Variants in MYRF observed in about 807,000 individuals in gnomAD.
The protein encoded by MYRF is myelin gene regulatory factor.
MYRF carries 16 observed loss-of-function variants against 126.3 expected under a neutral mutation model. That is an observed-to-expected ratio of 0.13 (90% CI 0.09 to 0.19). The LOEUF (loss-of-function observed/expected upper bound fraction) is 0.19, where lower values mean the gene tolerates loss of function less well. Among genes scored for constraint, MYRF ranks in the 10% least tolerant of loss-of-function variants. MYRF has a pLI of 1.00. For missense variants in MYRF, 1,104 were observed against 1,547.0 expected (o/e 0.71, Z 4.80); for synonymous variants, 608 against 635.3 (o/e 0.96, Z 0.65).
At chr11:61,773,896 C>T in intron 7 of MYRF, 71 bp from the exon 8 acceptor site, 2 of 1,361,952 alleles carry the variant, frequency 1.5e-6, no homozygotes, top group Non-Finnish European at 2.0e-6. Context: ...TGGAACCCAG[C>T]AGGTAGGAGG....
rs2065856046 is a variant in MYRF at position 61,759,762 on chromosome 11, G to C, written c.47-5863G>C. The stretch of plus-strand genomic sequence containing the variant: ...TGGTAAGAAGCTGGGAGAGAACAAA[G>C]ACTACTGTGACTCAGATCGAAGAAC... On this transcript the variant is annotated intron_variant, in intron 1 of 26. Transcript: ENST00000278836. Among the ~76,000 whole-genome samples, 4 of 152,170 alleles carry C rather than the reference G, an allele frequency of 2.6e-5. No homozygotes were observed. In the South Asian group the frequency reaches 8.3e-4, roughly 31 times the overall value.
chr11:61,754,694 G>T (rs1002355991), intron 1 of MYRF, among the ~76,000 whole-genome samples: 10 of 152,178 alleles, frequency 6.6e-5, no homozygotes, highest in Non-Finnish European at 1.2e-4. Context: ...GCGGCCTGGC[G>T]GGGGGAGGCT....
chr11:61,772,339 C>T (rs572011557), intron 7 of MYRF, among the ~76,000 whole-genome samples: 3 of 152,258 alleles, frequency 2.0e-5, no homozygotes, highest in Non-Finnish European at 2.9e-5. Flanking sequence ...GGGGAGGATC[C>T]GGTCAGAGGC....
Position 61,783,039 on chromosome 11 carries a change from G to C in MYRF, c.3017-459G>C, listed in dbSNP as rs1488602148. ...CAGCCAGCCAGCCTGCAGTCGGTTT[G>C]TTCAGGGAGGCTGCGAGGAGCAGCG... On this transcript the variant is annotated intron_variant, in intron 22 of 26. Transcript: ENST00000278836. This position sits in a 1 kb window ranked among gnomAD's most constrained non-coding sequence, Gnocchi z 4.6. 1 of 158,354 alleles carries C rather than the reference G, an allele frequency of 6.3e-6. No individual in the cohort carries two copies. The highest frequency in any genetic ancestry group is 1.4e-5 in the Non-Finnish European group (1 of 71,584). 9.8% of individuals were successfully genotyped at this position (158,354 alleles called of 1,614,324 possible).
At chr11:61,762,907 C>A (rs549664505) in intron 1 of MYRF, among the ~76,000 whole-genome samples, 8 of 152,142 alleles carry the variant, frequency 5.3e-5, no homozygotes, top group Non-Finnish European at 1.2e-4. Context: ...ACGGGAGGGT[C>A]CCTCCTCCCC....
chr11:61,762,416 G>A (rs974397928), intron 1 of MYRF, among the ~76,000 whole-genome samples: 1 of 152,182 alleles, frequency 6.6e-6, no homozygotes, highest in African/African-American at 2.4e-5. Context: ...AGCCTCTGGC[G>A]GGCCCGGCTT....
chr11:61,781,068 G>A lies in MYRF; in HGVS notation c.2572+23G>A, dbSNP rs548210662. 76 of 1,610,330 alleles carry A rather than the reference G, an allele frequency of 4.7e-5. No individual in the cohort carries two copies. In the South Asian group the frequency reaches 7.8e-4, roughly 17 times the overall value. On this transcript the variant is annotated intron_variant, in intron 20 of 26. Coordinates refer to ENST00000278836, the MANE Select transcript of MYRF (RefSeq NM_001127392.3). Reference sequence around the variant, plus strand: ...TGGGTGCGTGTCTGGGCAGGTCTGGGTAGGACAGGGAGGTTGCTATGTTCT... The same window carrying A: ...TGGGTGCGTGTCTGGGCAGGTCTGGATAGGACAGGGAGGTTGCTATGTTCT...
intron 1 of MYRF, 39 bp from the exon 2 acceptor site, chr11:61,765,586 G>A: frequency 6.5e-7 from 1 of 1,550,340 alleles, no homozygotes; most frequent in Non-Finnish European, 8.8e-7. Context: ...TCTGCAGGGA[G>A]CTGGGCCTCT....
At chr11:61,761,860 A>T (rs1449399730) in intron 1 of MYRF, among the ~76,000 whole-genome samples, 1 of 152,260 alleles carries the variant, frequency 6.6e-6, no homozygotes, top group East Asian at 1.9e-4. Context: ...AATATGAGCC[A>T]TGTAAAGTGC....
chr11:61,767,302 G>A (rs2066092216), intron 3 of MYRF: 1 of 456,564 alleles, frequency 2.2e-6, no homozygotes, highest in Admixed American at 2.3e-5. Flanking sequence ...GCCTGCTGGT[G>A]CCCACTGCTG....
At chr11:61,779,119 C>T (rs1199208417) in intron 14 of MYRF, 144 bp from the exon 15 acceptor site, 11 of 878,430 alleles carry the variant, frequency 1.3e-5, no homozygotes, top group Admixed American at 1.0e-4. Context: ...GGGGCCCGCC[C>T]AGGTAGGGAG....
In MYRF at chr11:61,781,816, G is replaced by T. The variant is rs758964859; in HGVS notation, c.3008G>T (p.Gly1003Val). ...CCTGCTGAGCCCACCTGGGCCCAGG[G>T]CCAGTCAGGTACTTGCTGCACCCCT... ...VGPAEPTWAQ[G>V]QSASLLAEPV... The change falls in exon 22 of 27, where the codon GGC (glycine) becomes GTC (valine). Residue 1003 changes from glycine to valine, a missense_variant. This residue lies in a region of MYRF where 323 missense variants were observed against 383.1 expected (regional missense o/e 0.84). Coordinates refer to ENST00000278836, the MANE Select transcript of MYRF (RefSeq NM_001127392.3). 6.4e-7 allele frequency: 1 copy of T among 1,559,430 alleles called. No individual in the cohort carries two copies. Among genetic ancestry groups the T allele is most frequent in the Non-Finnish European group, 8.6e-7 (1 of 1,157,524 alleles).
rs905485085 is a variant in MYRF at position 61,788,380 on chromosome 11, C to T, written c.*2237C>T. 6.6e-6 allele frequency: 1 copy of T among 152,326 alleles called. No homozygotes were observed. The highest frequency in any genetic ancestry group is 1.5e-5 in the Non-Finnish European group (1 of 68,064). 9.4% of individuals were successfully genotyped at this position (152,326 alleles called of 1,614,324 possible). On this transcript the variant is annotated 3_prime_UTR_variant, in exon 27 of 27. Transcript: ENST00000278836. Reference sequence around the variant, plus strand: ...TCTTCTCCCTGAGCTTGGTATTTGTCATGTGCCAACTCTGACTCTGAGGTG... The same window carrying T: ...TCTTCTCCCTGAGCTTGGTATTTGTTATGTGCCAACTCTGACTCTGAGGTG...
In MYRF at chr11:61,776,255, C is replaced by A. The variant is rs2066379330; in HGVS notation, c.1389-67C>A. The A allele has an allele frequency of 6.4e-7, 1 of 1,562,944 alleles. No individual in the cohort carries two copies. Among genetic ancestry groups the A allele is most frequent in the Non-Finnish European group, 8.8e-7 (1 of 1,140,876 alleles). On this transcript the variant is annotated intron_variant, in intron 9 of 26. Coordinates refer to ENST00000278836, the MANE Select transcript of MYRF (RefSeq NM_001127392.3). This position sits in a 1 kb window ranked among gnomAD's most constrained non-coding sequence, Gnocchi z 4.3. ...CTCATGTACGTTGCTGGCCTGGGTG[C>A]CCCTCAGTGGCGTGGCTCTTGCAGC...
At position 61,780,796 on chromosome 11, in the gene MYRF, C is replaced by T. The variant is rs749321306; in HGVS notation, c.2486+4C>T. 1.7e-5 allele frequency: 27 copies of T among 1,545,214 alleles called. No homozygotes were observed. Among genetic ancestry groups the T allele is most frequent in the Non-Finnish European group, 2.3e-5 (26 of 1,148,032 alleles). On this transcript the variant is annotated splice_donor_region_variant and intron_variant, in intron 19 of 26. Transcript: ENST00000278836. ...GGAGTGAGGCCTTGTGCCCATGGTA[C>T]GTGCTGACCAGCGCCCCTCTCCTCT...
chr11:61,778,635 G>A lies in MYRF; in HGVS notation c.2013+146G>A. On this transcript the variant is annotated intron_variant, in intron 14 of 26. Coordinates refer to ENST00000278836, the MANE Select transcript of MYRF (RefSeq NM_001127392.3). The surrounding 1 kb of genome is among the most constrained non-coding windows in gnomAD (Gnocchi z 4.6). ...TCATGCTGCCTCCAGAGCGCCCTCT[G>A]CACCCCACAGGGAAGGGGTGAGTGT... 1.5e-6 allele frequency: 1 copy of A among 681,280 alleles called. No individual in the cohort carries two copies. Among genetic ancestry groups the A allele is most frequent in the Non-Finnish European group, 2.7e-6 (1 of 372,942 alleles). The allele number at this position is 681,280 out of a possible 1,614,324, so 42.2% of individuals were successfully genotyped here. A position where few individuals can be genotyped will look rare whatever the true frequency, so the allele number is the denominator to read the frequency against.
intron 1 of MYRF, among the ~76,000 whole-genome samples, chr11:61,753,036 C>G (rs1487247906): frequency 6.6e-5 from 10 of 152,060 alleles, no homozygotes; most frequent in African/African-American, 2.4e-4. Flanking sequence ...GACTGTGTCC[C>G]CTTCCAGGTC....
In MYRF at chr11:61,783,411, G is replaced by A; in HGVS notation, c.3017-87G>A. ...ACCTGGAACTTATTCATACTAAGGT[G>A]TGAGTGACTGCTTCAAGTCTGGCAA... On this transcript the variant is annotated intron_variant, in intron 22 of 26. Coordinates refer to ENST00000278836, the MANE Select transcript of MYRF (RefSeq NM_001127392.3). This position sits in a 1 kb window ranked among gnomAD's most constrained non-coding sequence, Gnocchi z 4.6. 3 of 1,003,006 alleles carry A rather than the reference G, an allele frequency of 3.0e-6. No homozygotes were observed. The highest frequency in any genetic ancestry group is 2.7e-5 in the South Asian group (2 of 74,224). 62.1% of individuals were successfully genotyped at this position (1,003,006 alleles called of 1,614,324 possible). A position where few individuals can be genotyped will look rare whatever the true frequency, so the allele number is the denominator to read the frequency against.
At position 61,781,157 on chromosome 11, in the gene MYRF, C is replaced by G. The variant is rs772218620; in HGVS notation, c.2592C>G (p.Ser864Arg). The part of the protein sequence containing the change: ...SLLLVTTSLT[S>R]SAPGSAVRTL... ...CCTCAGTGACCACCAGCCTCACCAG[C>G]TCGGCCCCAGGTTCTGCTGTCCGCA... is the stretch of plus-strand genomic sequence containing the variant. Residue 864 changes from serine (S) to arginine (R), a missense_variant, in exon 21 of 27, where the codon AGC becomes AGG. This residue lies in a region of MYRF where 323 missense variants were observed against 383.1 expected (regional missense o/e 0.84). Coordinates refer to ENST00000278836, the MANE Select transcript of MYRF (RefSeq NM_001127392.3). The G allele has an allele frequency of 1.2e-6, 2 of 1,613,718 alleles. No homozygotes were observed. Among genetic ancestry groups the G allele is most frequent in the African/African-American group, 1.3e-5 (1 of 75,038 alleles).
Sources: allele counts gnomAD v4.1 joint callset (sites outside exome capture counted in the v4.1 genomes callset), GRCh38; gene constraint gnomAD v4.1.1; regional missense constraint gnomAD v4.1.1; non-coding constraint Gnocchi (gnomAD v3.1); transcripts MANE v1.5; gene names NCBI Gene and HGNC (gene_info 2026-07-23, HGNC 2026-07-21).